Variants in ADGRL2 observed in about 807,000 individuals in gnomAD.
ADGRL2 encodes calcium-independent alpha-latrotoxin receptor 2.
In ADGRL2, 44 loss-of-function variants were observed where a neutral mutation model predicts 157.4. The observed-to-expected ratio is 0.28, with a 90% CI of 0.22 to 0.36. ADGRL2 has a LOEUF of 0.36. Ranked by LOEUF, ADGRL2 falls within the 10% of genes least tolerant of loss-of-function variation. ADGRL2 has a pLI of 1.00. For missense variants in ADGRL2, 1,510 were observed against 1,768.9 expected (o/e 0.85, Z 2.63); for synonymous variants, 585 against 624.7 (o/e 0.94, Z 0.95).
At chr1:81,356,441 C>G (rs1038670679) in intron 1 of ADGRL2, among the ~76,000 whole-genome samples, 1 of 152,034 alleles carries the variant, frequency 6.6e-6, no homozygotes, top group Non-Finnish European at 1.5e-5. Flanking sequence ...AAGTCTGAAA[C>G]TAACTTTTTT....
rs1163529137 is a variant in ADGRL2, at chr1:81,993,403, G to A, written c.*2258G>A. ...ATTCCTAGTATACAAGCTACCTAGA[G>A]TCAGGCTGGTTCAGTAATAAATTTT... On this transcript the variant is annotated 3_prime_UTR_variant, in exon 24 of 24. Coordinates refer to ENST00000686636, the MANE Select transcript of ADGRL2 (RefSeq NM_001366006.2). Among the ~76,000 whole-genome samples, 1 of 151,800 alleles carries A rather than the reference G, an allele frequency of 6.6e-6. No homozygotes were observed.
chr1:81,322,351 TAA>T (rs1429107936), intron 1 of ADGRL2, among the ~76,000 whole-genome samples: 25 of 151,850 alleles, frequency 1.6e-4, no homozygotes, highest in Admixed American at 1.6e-3. Flanking sequence ...AAACAAACCT[TAA>T]AAAGATACCA....
At chr1:81,542,787 A>G (rs2079917092) in intron 2 of ADGRL2, among the ~76,000 whole-genome samples, 1 of 152,180 alleles carries the variant, frequency 6.6e-6, no homozygotes, top group South Asian at 2.1e-4. Context: ...AATATAAAGG[A>G]TATTTATAAT....
At chr1:81,961,375 A>G (rs1259501712) in intron 11 of ADGRL2, among the ~76,000 whole-genome samples, 1 of 152,162 alleles carries the variant, frequency 6.6e-6, no homozygotes, top group Non-Finnish European at 1.5e-5. Context: ...CATATCATGA[A>G]TGAGGTAGCT....
At chr1:81,325,445 G>A (rs559900565) in intron 1 of ADGRL2, among the ~76,000 whole-genome samples, 28 of 152,276 alleles carry the variant, frequency 1.8e-4, no homozygotes, top group East Asian at 5.8e-4. Flanking sequence ...AGATTCTCTC[G>A]TAGGTCACTG....
In ADGRL2 at chr1:81,443,222, A is replaced by T. The variant is rs566137777; in HGVS notation, c.-301-1814A>T. 8.5e-5 allele frequency among the ~76,000 whole-genome samples: 13 copies of T among 152,288 alleles called. No homozygotes were observed. In the South Asian group the frequency reaches 1.4e-3, roughly 17 times the overall value. Reference sequence around the variant, plus strand: ...GATCACCTGAAGTCAAGAGTTCGAGATCAGCCTGGCCAACATGATGAAACC... The same window carrying T: ...GATCACCTGAAGTCAAGAGTTCGAGTTCAGCCTGGCCAACATGATGAAACC... On this transcript the variant is annotated intron_variant, in intron 1 of 24. Coordinates refer to the ADGRL2 transcript ENST00000370721.
At chr1:81,379,550 G>A (rs2076308445) in intron 1 of ADGRL2, among the ~76,000 whole-genome samples, 1 of 152,120 alleles carries the variant, frequency 6.6e-6, no homozygotes, top group African/African-American at 2.4e-5. Context: ...AGCAGATAGG[G>A]GAGCCAAAAG....
At chr1:81,802,196 A>G (rs1398604120) in intron 1 of ADGRL2, among the ~76,000 whole-genome samples, 2 of 151,802 alleles carry the variant, frequency 1.3e-5, no homozygotes, top group Non-Finnish European at 2.9e-5. Context: ...CCCACGCCAG[A>G]CGGCCCTCCC....
chr1:81,658,553 C>T lies in ADGRL2; in HGVS notation c.-143+77573C>T, dbSNP rs531966201. ...TGTGCCCAATTGGTAATTTCTTATCCGTCATTCCCCTCCCACCTTCCCACA... is the reference window on the plus strand; with the variant it reads ...TGTGCCCAATTGGTAATTTCTTATCTGTCATTCCCCTCCCACCTTCCCACA... On this transcript the variant is annotated intron_variant, in intron 3 of 24. Transcript: ENST00000370721. 7.9e-5 allele frequency among the ~76,000 whole-genome samples: 12 copies of T among 152,238 alleles called. 1 individual carries two copies. Among genetic ancestry groups the T allele is most frequent in the South Asian group, 2.1e-4 (1 of 4,814 alleles).
chr1:81,702,903 T>C (rs1033423590), intron 1 of ADGRL2, among the ~76,000 whole-genome samples: 11 of 152,092 alleles, frequency 7.2e-5, no homozygotes, highest in Admixed American at 6.6e-4. Context: ...AGATAATACA[T>C]TTGTAAAGAA....
chr1:81,662,881 T>C (rs2082681374), intron 3 of ADGRL2, among the ~76,000 whole-genome samples: 1 of 152,152 alleles, frequency 6.6e-6, no homozygotes, highest in Non-Finnish European at 1.5e-5. Context: ...ACTACTTTTT[T>C]TGTGCCCATT....
intron 16 of ADGRL2, among the ~76,000 whole-genome samples, chr1:81,971,412 G>T (rs1257794078): frequency 1.3e-5 from 2 of 152,158 alleles, no homozygotes; most frequent in Non-Finnish European, 2.9e-5. Context: ...CATAACATCT[G>T]AACAGTTTTT....
At chr1:81,494,709 C>T (rs185318032) in intron 2 of ADGRL2, among the ~76,000 whole-genome samples, 33 of 152,242 alleles carry the variant, frequency 2.2e-4, no homozygotes, top group Non-Finnish European at 4.0e-4. Flanking sequence ...TTCTCTTTTA[C>T]AAATTCTCTC....
intron 19 of ADGRL2, among the ~76,000 whole-genome samples, chr1:81,983,568 T>A (rs1364969442): frequency 6.6e-6 from 1 of 152,056 alleles, no homozygotes; most frequent in Admixed American, 6.6e-5. Context: ...GACTTCTGAG[T>A]TGAGGGAAAG....
intron 2 of ADGRL2, among the ~76,000 whole-genome samples, chr1:81,489,663 A>G (rs1032931439): frequency 5.9e-5 from 9 of 152,246 alleles, no homozygotes; most frequent in Admixed American, 1.3e-4. Context: ...ATGAAGACAC[A>G]TAATAATTAA....
intron 2 of ADGRL2, among the ~76,000 whole-genome samples, chr1:81,445,978 C>T (rs1289055807): frequency 6.6e-6 from 1 of 152,202 alleles, no homozygotes; most frequent in African/African-American, 2.4e-5. Context: ...CACTAAATCT[C>T]TATTTTTCAA....
rs1341954731 is a variant in ADGRL2 at position 81,691,318 on chromosome 1, G to C, written c.-142-70493G>C. Among the ~76,000 whole-genome samples, 4 of 134,602 alleles carry C rather than the reference G, an allele frequency of 3.0e-5. No homozygotes were observed. The East Asian group carries it at 8.2e-4, about 27-fold the overall frequency. 88.3% of individuals were successfully genotyped at this position (134,602 alleles called of 152,430 possible). A position where few individuals can be genotyped will look rare whatever the true frequency, so the allele number is the denominator to read the frequency against. On this transcript the variant is annotated intron_variant, in intron 3 of 24. Coordinates refer to the ADGRL2 transcript ENST00000370721. Reference sequence around the variant, plus strand: ...TTTAGTAGTCATTGGTATCAGTTCTGCTTGTTTTCTTTTTTTTTTTAAGCC... The same window carrying C: ...TTTAGTAGTCATTGGTATCAGTTCTCCTTGTTTTCTTTTTTTTTTTAAGCC...
In ADGRL2 at chr1:81,387,643, C is replaced by T. The variant is rs533906985; in HGVS notation, c.-301-57393C>T. Among the ~76,000 whole-genome samples, 14 of 152,158 alleles carry T rather than the reference C, an allele frequency of 9.2e-5. No individual in the cohort carries two copies. The East Asian group carries it at 2.3e-3, about 25-fold the overall frequency. On this transcript the variant is annotated intron_variant, in intron 1 of 24. Transcript: ENST00000370721. ...GCCTTCAATTTTAACTGCTATATAT[C>T]CGAAGTTATTCATCAACCAATTGTT...
At chr1:81,720,678 A>G (rs1390744314) in intron 1 of ADGRL2, among the ~76,000 whole-genome samples, 2 of 152,134 alleles carry the variant, frequency 1.3e-5, no homozygotes, top group Non-Finnish European at 2.9e-5. Flanking sequence ...TTTTTTCTAT[A>G]TCATCATAAG....
Sources: gnomAD v4.1 joint callset for allele counts (sites outside exome capture counted in the v4.1 genomes callset) on GRCh38, gnomAD v4.1.1 for gene constraint, MANE v1.5 for transcripts, NCBI Gene and HGNC (gene_info 2026-07-23, HGNC 2026-07-21) for gene names.